Variants in CSRNP3 observed in about 807,000 individuals in gnomAD.
The protein encoded by CSRNP3 is cysteine and serine rich nuclear protein 3.
A neutral mutation model predicts 48.0 loss-of-function variants in CSRNP3; 12 were observed. That is an observed-to-expected ratio of 0.25 (90% confidence interval 0.16 to 0.41). The LOEUF is 0.41. Among genes scored for constraint, CSRNP3 ranks in the 10% least tolerant of loss-of-function variants. CSRNP3 has a pLI of 1.00. For synonymous variants in CSRNP3, 263 were observed against 269.7 expected, an observed-to-expected ratio of 0.98 and a Z score of 0.24; for missense variants, 580 against 724.4, an observed-to-expected ratio of 0.80 and a Z score of 2.29.
intron 4 of CSRNP3, among the ~76,000 whole-genome samples, chr2:165,648,859 G>A (rs980214935): frequency 8.5e-5 from 13 of 152,126 alleles, no homozygotes; most frequent in African/African-American, 3.1e-4. Flanking sequence ...AAAATCTTGG[G>A]CAATAAACCT....
At chr2:165,540,596 C>T (rs1250217350) in intron 3 of CSRNP3, among the ~76,000 whole-genome samples, 2 of 152,100 alleles carry the variant, frequency 1.3e-5, no homozygotes, top group East Asian at 3.9e-4. Flanking sequence ...GCCCTGGAGA[C>T]TCATGCAGAC....
At chr2:165,658,293 C>T (rs554538371) in intron 5 of CSRNP3, among the ~76,000 whole-genome samples, 1 of 151,816 alleles carries the variant, frequency 6.6e-6, no homozygotes, top group African/African-American at 2.4e-5. Flanking sequence ...TAGTAGGAGA[C>T]CAAAAATAGA....
intron 2 of CSRNP3, 59 bp downstream of exon 2, chr2:165,494,987 T>G (rs1684266695): frequency 6.6e-6 from 1 of 152,622 alleles, no homozygotes; most frequent in Non-Finnish European, 1.5e-5. Flanking sequence ...GGGCCACTCT[T>G]GGGGGCTTTA....
chr2:165,597,770 C>T (rs2105297681), intron 4 of CSRNP3, among the ~76,000 whole-genome samples: 1 of 152,118 alleles, frequency 6.6e-6, no homozygotes, highest in South Asian at 2.1e-4. Context: ...AGAAAATCCA[C>T]ATAGTAGGAA....
chr2:165,655,686 T>G (rs989810258), intron 4 of CSRNP3, among the ~76,000 whole-genome samples: 2 of 152,216 alleles, frequency 1.3e-5, no homozygotes, highest in African/African-American at 4.8e-5. Flanking sequence ...CCCGGCTCCC[T>G]CTGAAACCTT....
intron 4 of CSRNP3, among the ~76,000 whole-genome samples, chr2:165,607,425 C>G (rs1181698810): frequency 1.3e-5 from 2 of 152,112 alleles, no homozygotes; most frequent in Non-Finnish European, 1.5e-5. Flanking sequence ...TCTTCAGATC[C>G]TTTCATACAT....
chr2:165,549,512 C>T (rs1685071671), intron 3 of CSRNP3, among the ~76,000 whole-genome samples: 2 of 152,082 alleles, frequency 1.3e-5, no homozygotes, highest in Admixed American at 1.3e-4. Flanking sequence ...AAGTAACTTA[C>T]CCAACCCTAT....
rs768854904 is a variant in CSRNP3, at chr2:165,686,737, C to T, written c.*6984C>T. The T allele has an allele frequency of 7.2e-5, 11 of 151,960 alleles. No individual in the cohort carries two copies. The highest frequency in any genetic ancestry group is 3.3e-4 in the Admixed American group (5 of 15,230). 9.4% of individuals were successfully genotyped at this position (151,960 alleles called of 1,614,324 possible). A position where few individuals can be genotyped will look rare whatever the true frequency, so the allele number is the denominator to read the frequency against. ...ATTTGTGTCTCAAACAAATAAAGCC[C>T]ACTGCCATGGGTTACCATCTGAACC... On this transcript the variant is annotated 3_prime_UTR_variant, in exon 7 of 7. Transcript: ENST00000651982.
chr2:165,538,070 T>C (rs1684904545), intron 3 of CSRNP3, among the ~76,000 whole-genome samples: 1 of 151,882 alleles, frequency 6.6e-6, no homozygotes, highest in Non-Finnish European at 1.5e-5. Flanking sequence ...TTAGCATTAT[T>C]AGCAAGGACC....
At chr2:165,638,272 A>T (rs1333261839) in intron 4 of CSRNP3, among the ~76,000 whole-genome samples, 1 of 151,970 alleles carries the variant, frequency 6.6e-6, no homozygotes, top group East Asian at 1.9e-4. Context: ...GACCAGCCTG[A>T]CCAACATGGT....
intron 1 of CSRNP3, among the ~76,000 whole-genome samples, chr2:165,483,879 A>G (rs1239759831): frequency 6.6e-6 from 1 of 152,196 alleles, no homozygotes; most frequent in Non-Finnish European, 1.5e-5. Flanking sequence ...TAGAATTTCA[A>G]CATATGAATT....
chr2:165,588,069 C>T (rs1215341231), intron 3 of CSRNP3, among the ~76,000 whole-genome samples: 2 of 151,858 alleles, frequency 1.3e-5, no homozygotes, highest in Non-Finnish European at 2.9e-5. Flanking sequence ...GAGATGAAAA[C>T]AGTAAGTAAT....
At chr2:165,475,325 C>A (rs1480092921) in intron 1 of CSRNP3, among the ~76,000 whole-genome samples, 1 of 152,196 alleles carries the variant, frequency 6.6e-6, no homozygotes, top group African/African-American at 2.4e-5. Context: ...TGCTCTCATG[C>A]TGCCCACTGA....
At chr2:165,530,010 A>G (rs567579134) in intron 3 of CSRNP3, among the ~76,000 whole-genome samples, 1 of 152,228 alleles carries the variant, frequency 6.6e-6, no homozygotes, top group Non-Finnish European at 1.5e-5. Flanking sequence ...GTTTTTTAAA[A>G]TCATGAGGAA....
Position 165,685,971 on chromosome 2 carries a change from A to C in CSRNP3, c.*6218A>C, listed in dbSNP as rs777616608. 6.6e-6 allele frequency: 1 copy of C among 152,106 alleles called. No homozygotes were observed. The highest frequency in any genetic ancestry group is 1.5e-5 in the Non-Finnish European group (1 of 67,974). The allele number at this position is 152,106 out of a possible 1,614,324, so 9.4% of individuals were successfully genotyped here. A position where few individuals can be genotyped will look rare whatever the true frequency, so the allele number is the denominator to read the frequency against. ...ATATTGATTAGAAAGGGTTAGAAGG[A>C]GACAAATTTATGGTAGAAATTAGCC... is the stretch of plus-strand genomic sequence containing the variant. On this transcript the variant is annotated 3_prime_UTR_variant, in exon 7 of 7. Transcript: ENST00000651982.
rs1210466177 is a variant in CSRNP3 at position 165,600,181 on chromosome 2, G to A, written c.148+4968G>A. 1.6e-3 allele frequency among the ~76,000 whole-genome samples: 226 copies of A among 143,438 alleles called. 1 individual carries two copies. Among genetic ancestry groups the A allele is most frequent in the Middle Eastern group, 6.8e-3 (2 of 292 alleles). The allele number at this position is 143,438 out of a possible 152,430, so 94.1% of individuals were successfully genotyped here. A position where few individuals can be genotyped will look rare whatever the true frequency, so the allele number is the denominator to read the frequency against. ...TCCCACCTATGAGTGAGAATATGCG[G>A]TGTTTGGTTTTTTGTTCTTGCGATA... On this transcript the variant is annotated intron_variant, in intron 4 of 6. Coordinates refer to ENST00000651982, the MANE Select transcript of CSRNP3 (RefSeq NM_001172173.2).
chr2:165,517,657 G>T (rs1684598960), intron 2 of CSRNP3, among the ~76,000 whole-genome samples: 1 of 151,806 alleles, frequency 6.6e-6, no homozygotes, highest in African/African-American at 2.4e-5. Context: ...AACTATGTAT[G>T]GATCATTAGA....
At chr2:165,505,570 T>C (rs1384844888) in intron 2 of CSRNP3, among the ~76,000 whole-genome samples, 1 of 152,236 alleles carries the variant, frequency 6.6e-6, no homozygotes, top group Non-Finnish European at 1.5e-5. Flanking sequence ...TTTGTTTTGA[T>C]AGCCTTCATC....
At chr2:165,641,019 C>A (rs886887463) in intron 4 of CSRNP3, among the ~76,000 whole-genome samples, 16 of 152,166 alleles carry the variant, frequency 1.1e-4, no homozygotes, top group African/African-American at 3.1e-4. Context: ...CACTTGAAAA[C>A]AATCCATTTA....
Sources: allele counts gnomAD v4.1 joint callset (sites outside exome capture counted in the v4.1 genomes callset), GRCh38; gene constraint gnomAD v4.1.1; transcripts MANE v1.5; gene names NCBI Gene and HGNC (gene_info 2026-07-23, HGNC 2026-07-21).